THUMPD3: variants seen among roughly 807,000 people sequenced by gnomAD.
The protein encoded by THUMPD3 is tRNA (guanine(6)-N(2))-methyltransferase THUMP3.
THUMPD3 carries 44 observed loss-of-function variants against 54.5 expected under a neutral mutation model. The observed-to-expected ratio is 0.81, with a 90% CI of 0.63 to 1.04. The LOEUF is 1.04. THUMPD3 is among the 50% of genes least tolerant of loss of function. The probability of loss-of-function intolerance (pLI) is 0.00; values close to 1 mark genes in which losing one functional copy is unlikely to be tolerated. For missense variants in THUMPD3, 604 were observed against 601.3 expected, an observed-to-expected ratio of 1.00 and a Z score of -0.05; for synonymous variants, 196 against 201.4, an observed-to-expected ratio of 0.97 and a Z score of 0.23.
intron 4 of THUMPD3, among the ~76,000 whole-genome samples, chr3:9,373,445 T>C (rs1334241647): frequency 1.3e-5 from 2 of 152,008 alleles, no homozygotes; most frequent in African/African-American, 4.8e-5. Flanking sequence ...CAGTGATCTG[T>C]GATCATGCCA....
At chr3:9,375,327 T>G (rs1469265630) in intron 5 of THUMPD3, among the ~76,000 whole-genome samples, 3 of 152,200 alleles carry the variant, frequency 2.0e-5, no homozygotes, top group African/African-American at 7.2e-5. Context: ...AACGTGTAAA[T>G]GAACAGAAAG....
chr3:9,383,253 G>A lies in THUMPD3; in HGVS notation c.1179G>A (p.Leu393=). The A allele has an allele frequency of 1.9e-6, 3 of 1,613,960 alleles. No homozygotes were observed. The highest frequency in any genetic ancestry group is 4.5e-5 in the East Asian group (2 of 44,894). The change falls in exon 8 of 10, where the codon CTG becomes CTA. Residue 393 remains leucine (L), a synonymous_variant. Coordinates refer to ENST00000452837, the MANE Select transcript of THUMPD3 (RefSeq NM_001114092.2). ...IDAVQWDICN[L]PLRTGSVDII... ...CTGTTCAGTGGGATATCTGCAATCT[G>A]CCATTGAGAACTGGCTCTGTGGATA...
chr3:9,385,252 A>G lies in THUMPD3; in HGVS notation c.*564A>G, dbSNP rs182911041. 96 of 152,832 alleles carry G rather than the reference A, an allele frequency of 6.3e-4. No homozygotes were observed. The highest frequency in any genetic ancestry group is 3.4e-3 in the Middle Eastern group (1 of 294). 9.5% of individuals were successfully genotyped at this position (152,832 alleles called of 1,614,324 possible). ...AGATGCCTAGTGAAAAGCCTACTAA[A>G]GTGCTGTGAGATTGGGGTTTAGAAC... is the stretch of plus-strand genomic sequence containing the variant. On this transcript the variant is annotated 3_prime_UTR_variant, in exon 10 of 10. Coordinates refer to ENST00000452837, the MANE Select transcript of THUMPD3 (RefSeq NM_001114092.2).
Position 9,380,681 on chromosome 3 carries a change from T to A in THUMPD3, c.1124+63T>A. ...TAGAGAATCACTTTTTATATTGACT[T>A]TATGAATTAAAACTCCCAGTGCATT... On this transcript the variant is annotated intron_variant, in intron 7 of 9. Transcript: ENST00000452837. The A allele has an allele frequency of 2.4e-6, 3 of 1,236,874 alleles. No individual in the cohort carries two copies. The Admixed American group carries it at 5.5e-5, about 23-fold the overall frequency. 76.6% of individuals were successfully genotyped at this position (1,236,874 alleles called of 1,614,324 possible). A position where few individuals can be genotyped will look rare whatever the true frequency, so the allele number is the denominator to read the frequency against.
In THUMPD3 at chr3:9,371,102, C is replaced by T; in HGVS notation, c.373C>T (p.Pro125Ser). Residue 125 changes from proline (P) to serine (S), a missense_variant, in exon 4 of 10, where the codon CCA becomes TCA. Physicochemically the swap from Pro to Ser is moderately conservative, Grantham distance 74. Coordinates refer to ENST00000452837, the MANE Select transcript of THUMPD3 (RefSeq NM_001114092.2). ...TTTTGAAGACTTGGCTGGAAAACTC[C>T]CATGGTCAAACCCCTTAAAAGTGTG... is the stretch of plus-strand genomic sequence containing the variant. ...KDFEDLAGKL[P>S]WSNPLKVWKI... is the part of the protein sequence containing the mutation. 1 of 1,581,812 alleles carries T rather than the reference C, an allele frequency of 6.3e-7. No homozygotes were observed. Among genetic ancestry groups the T allele is most frequent in the South Asian group, 1.2e-5 (1 of 84,598 alleles).
rs753626197 is a variant in THUMPD3 at position 9,377,803 on chromosome 3, GT to G, written c.939-12del. On this transcript the variant is annotated splice_polypyrimidine_tract_variant and intron_variant, in intron 5 of 9. Coordinates refer to ENST00000452837, the MANE Select transcript of THUMPD3 (RefSeq NM_001114092.2). ...TTTTGAGTGAGTCTTCACATAGGCTGTTTTCTTTTCTCTAGGCTCTGTGATC... is the reference window on the plus strand; with the variant it reads ...TTTTGAGTGAGTCTTCACATAGGCTGTTTCTTTTCTCTAGGCTCTGTGATC... 6 of 1,611,172 alleles carry G rather than the reference GT, an allele frequency of 3.7e-6. No individual in the cohort carries two copies. Among genetic ancestry groups the G allele is most frequent in the Non-Finnish European group, 4.2e-6 (5 of 1,177,760 alleles).
At chr3:9,376,021 G>A (rs534988964) in intron 5 of THUMPD3, among the ~76,000 whole-genome samples, 8 of 151,768 alleles carry the variant, frequency 5.3e-5, no homozygotes, top group Admixed American at 2.6e-4. Flanking sequence ...TAGAAAATTG[G>A]GCCCATTTGA....
Position 9,374,562 on chromosome 3 carries a change from T to C in THUMPD3, c.854T>C (p.Leu285Ser), listed in dbSNP as rs1336820472. Residue 285 changes from leucine to serine, a missense_variant, in exon 5 of 10, where the codon TTG (leucine) becomes TCG (serine). Coordinates refer to ENST00000452837, the MANE Select transcript of THUMPD3 (RefSeq NM_001114092.2). ...AATGAAGTCATTGTGGGCATTGCAT[T>C]GACTGAAGAGAGTCTCCACCGAAGA... ...HDNEVIVGIALTEESLHRRNI... is the reference protein window; with the variant it reads ...HDNEVIVGIASTEESLHRRNI... The C allele has an allele frequency of 6.2e-7, 1 of 1,614,146 alleles. No homozygotes were observed. The highest frequency in any genetic ancestry group is 8.5e-7 in the Non-Finnish European group (1 of 1,180,000).
intron 4 of THUMPD3, 60 bp from the exon 5 acceptor site, chr3:9,374,456 A>G (rs2032305423): frequency 1.9e-6 from 3 of 1,588,250 alleles, no homozygotes; most frequent in South Asian, 2.3e-5. Flanking sequence ...GAAAAGTCTT[A>G]TTACTAAGCG....
In THUMPD3 at chr3:9,385,778, A is replaced by G. The variant is rs562903120; in HGVS notation, c.*1090A>G. On this transcript the variant is annotated 3_prime_UTR_variant, in exon 10 of 10. Coordinates refer to ENST00000452837, the MANE Select transcript of THUMPD3 (RefSeq NM_001114092.2). ...TGTTGGCTAGTTTCTTAAAAGGCCA[A>G]GAGAAAAAAAATGATATATCTTTGG... The G allele has an allele frequency of 7.2e-5, 11 of 152,346 alleles. No individual in the cohort carries two copies. The East Asian group carries it at 2.1e-3, about 29-fold the overall frequency. 9.4% of individuals were successfully genotyped at this position (152,346 alleles called of 1,614,324 possible).
At position 9,384,869 on chromosome 3, in the gene THUMPD3, G is replaced by A; in HGVS notation, c.*181G>A. 1 of 668,086 alleles carries A rather than the reference G, an allele frequency of 1.5e-6. No homozygotes were observed. The highest frequency in any genetic ancestry group is 2.5e-6 in the Non-Finnish European group (1 of 405,980). 41.4% of individuals were successfully genotyped at this position (668,086 alleles called of 1,614,324 possible). A position where few individuals can be genotyped will look rare whatever the true frequency, so the allele number is the denominator to read the frequency against. ...GGAATTTAAAAGTTTTATGAGACCA[G>A]GCACAGTGGCTCACGACTGTAATTC... is the stretch of plus-strand genomic sequence containing the variant. On this transcript the variant is annotated 3_prime_UTR_variant, in exon 10 of 10. Coordinates refer to ENST00000452837, the MANE Select transcript of THUMPD3 (RefSeq NM_001114092.2).
chr3:9,363,240 G>C (rs2258766), intron 1 of THUMPD3, 113 bp downstream of exon 1: 131,941 of 152,312 alleles, frequency 0.87, 57,468 homozygotes, highest in African/African-American at 0.94. Context: ...CGGACTTCAG[G>C]CGGATCTCGT....
intron 1 of THUMPD3, among the ~76,000 whole-genome samples, chr3:9,364,368 A>C (rs2031291985): frequency 6.6e-6 from 1 of 151,592 alleles, no homozygotes. Flanking sequence ...TTTTTTTGAG[A>C]CAGAGTCTTG....
intron 7 of THUMPD3, among the ~76,000 whole-genome samples, chr3:9,381,620 GTTT>G (rs970710787): frequency 7.1e-6 from 1 of 140,576 alleles, no homozygotes; most frequent in African/African-American, 2.6e-5. Flanking sequence ...TTTATTGAGG[GTTT>G]TTTTTAATGA....
At chr3:9,382,954 C>G (rs891537990) in intron 7 of THUMPD3, 2 of 350,392 alleles carry the variant, frequency 5.7e-6, no homozygotes. Context: ...GTCTCAAATT[C>G]CTGGAGTCCA....
intron 3 of THUMPD3, among the ~76,000 whole-genome samples, chr3:9,367,805 C>G (rs2031682545): frequency 6.6e-6 from 1 of 152,148 alleles, no homozygotes; most frequent in South Asian, 2.1e-4. Flanking sequence ...GTGGCTCACA[C>G]CTGTAATCCC....
intron 8 of THUMPD3, among the ~76,000 whole-genome samples, chr3:9,383,584 G>T (rs1293050198): frequency 6.6e-6 from 1 of 151,556 alleles, no homozygotes; most frequent in Non-Finnish European, 1.5e-5. Context: ...CAAAAAGGTG[G>T]TAGAAGACTT....
At chr3:9,363,538 C>CAATTT (rs1038112042) in intron 1 of THUMPD3, 5 of 152,220 alleles carry the variant, frequency 3.3e-5, no homozygotes, top group African/African-American at 1.2e-4. Flanking sequence ...ATTCTGTACT[C>CAATTT]AATTAAGTTA....
chr3:9,382,122 A>G (rs542141987), intron 7 of THUMPD3, among the ~76,000 whole-genome samples: 1 of 151,816 alleles, frequency 6.6e-6, no homozygotes, highest in South Asian at 2.1e-4. Flanking sequence ...TTGGTTTTTA[A>G]TATTTTTTGC....
Sources: gnomAD v4.1 joint callset for allele counts (sites outside exome capture counted in the v4.1 genomes callset) on GRCh38, gnomAD v4.1.1 for gene constraint, MANE v1.5 for transcripts, NCBI Gene and HGNC (gene_info 2026-07-23, HGNC 2026-07-21) for gene names.